PDE9A: variants seen among roughly 807,000 people sequenced by gnomAD.
The protein encoded by PDE9A is high affinity cGMP-specific 3',5'-cyclic phosphodiesterase 9A.
In PDE9A, 60 loss-of-function variants were observed where a neutral mutation model predicts 87.4. The ratio of observed to expected loss-of-function variants is 0.69; its 90% CI spans 0.56 to 0.85. The LOEUF (loss-of-function observed/expected upper bound fraction) is 0.85. Ranked by LOEUF, PDE9A falls within the 40% of genes least tolerant of loss-of-function variation. The pLI is 0.00. For missense variants in PDE9A, 665 were observed against 779.0 expected (o/e 0.85, Z 1.74); for synonymous variants, 272 against 279.4 (o/e 0.97, Z 0.27).
At chr21:42,721,014 AAAG>A (rs1262125178) in intron 4 of PDE9A, among the ~76,000 whole-genome samples, 2 of 152,150 alleles carry the variant, frequency 1.3e-5, no homozygotes, top group East Asian at 1.9e-4. Context: ...TCAAAAAAAA[AAAG>A]AAGGATAGAG....
At chr21:42,662,805 CCACACACACG>C (rs768907355) in intron 1 of PDE9A, among the ~76,000 whole-genome samples, 96 of 139,632 alleles carry the variant, frequency 6.9e-4, no homozygotes, top group African/African-American at 1.7e-3. Flanking sequence ...CACACACACA[CCACACACACG>C]CACACACACG....
intron 3 of PDE9A, among the ~76,000 whole-genome samples, chr21:42,693,960 GAT>G (rs2060009134): frequency 6.8e-6 from 1 of 147,322 alleles, no homozygotes; most frequent in Non-Finnish European, 1.5e-5. Flanking sequence ...ATTTTTAAGA[GAT>G]TTTTTTTTTT....
chr21:42,718,975 C>T (rs948488478), intron 4 of PDE9A, among the ~76,000 whole-genome samples: 2 of 151,720 alleles, frequency 1.3e-5, no homozygotes, highest in African/African-American at 2.4e-5. Context: ...TGGTTTTATG[C>T]TTTGTTGGGG....
chr21:42,754,013 C>T lies in PDE9A; in HGVS notation c.759C>T (p.Ile253=), dbSNP rs764415436. 9.9e-6 allele frequency: 16 copies of T among 1,613,008 alleles called. No individual in the cohort carries two copies. Among genetic ancestry groups the T allele is most frequent in the East Asian group, 8.9e-5 (4 of 44,878 alleles). Residue 253 remains isoleucine (I), a synonymous_variant, in exon 10 of 20, where the codon ATC becomes ATT. Coordinates refer to ENST00000291539, the MANE Select transcript of PDE9A (RefSeq NM_002606.3). ...AGTACCTGCTCTCTCCAGAGACCAT[C>T]GAGGCCCTGCGGAAGCCGACCTTTG... is the stretch of plus-strand genomic sequence containing the variant. ...YPKYLLSPET[I]EALRKPTFDV...
At chr21:42,657,038 C>T (rs2269126) in intron 1 of PDE9A, among the ~76,000 whole-genome samples, 7,328 of 152,322 alleles carry the variant, frequency 0.048, 376 homozygotes, top group East Asian at 0.29. Context: ...TGATAAACAG[C>T]AGCAGACGTT....
At chr21:42,685,320 C>T (rs952232337) in intron 1 of PDE9A, among the ~76,000 whole-genome samples, 1 of 152,262 alleles carries the variant, frequency 6.6e-6, no homozygotes, top group Non-Finnish European at 1.5e-5. Flanking sequence ...CGAGCGCGGC[C>T]ATCCCGCGCG....
intron 4 of PDE9A, among the ~76,000 whole-genome samples, chr21:42,712,078 A>T (rs1197859856): frequency 1.3e-5 from 2 of 150,394 alleles, no homozygotes; most frequent in Non-Finnish European, 3.0e-5. Flanking sequence ...CAAAAAAAAA[A>T]GCCATCTATG....
At position 42,726,624 on chromosome 21, in the gene PDE9A, A is replaced by ATTTTT. The variant is rs1197356167; in HGVS notation, c.263-5133_263-5129dup. Among the ~76,000 whole-genome samples the ATTTTT allele has an allele frequency of 1.3e-3, 26 of 19,778 alleles. 5 individuals are homozygous for ATTTTT. The highest frequency in any genetic ancestry group is 1.8e-3 in the Non-Finnish European group (24 of 13,354). 13.0% of individuals were successfully genotyped at this position (19,778 alleles called of 152,430 possible). On this transcript the variant is annotated intron_variant, in intron 4 of 19. Coordinates refer to ENST00000291539, the MANE Select transcript of PDE9A (RefSeq NM_002606.3). Reference sequence around the variant, plus strand: ...TATATATATATATATATATATATATATTTTTTTTTTTTTTTTTGTAGAGAT... The same window carrying ATTTTT: ...TATATATATATATATATATATATATATTTTTTTTTTTTTTTTTTTTTTGTAGAGAT...
intron 19 of PDE9A, among the ~76,000 whole-genome samples, chr21:42,773,223 C>T (rs2057180832): frequency 1.4e-5 from 2 of 141,184 alleles, no homozygotes; most frequent in Non-Finnish European, 3.0e-5. Context: ...CATTGCGCCA[C>T]TGCCCTCCAG....
intron 1 of PDE9A, among the ~76,000 whole-genome samples, chr21:42,662,570 CCA>C (rs1270343768): frequency 1.4e-5 from 2 of 146,924 alleles, no homozygotes; most frequent in Non-Finnish European, 3.0e-5. Context: ...CACAAGCACA[CCA>C]CACACACCAA....
intron 1 of PDE9A, among the ~76,000 whole-genome samples, chr21:42,658,123 G>A (rs904243929): frequency 2.6e-5 from 4 of 152,162 alleles, no homozygotes; most frequent in African/African-American, 4.8e-5. Flanking sequence ...CCAGGGCTCC[G>A]TGCCCTGGGC....
chr21:42,764,738 A>G (rs998323439), intron 14 of PDE9A, among the ~76,000 whole-genome samples: 1 of 152,246 alleles, frequency 6.6e-6, no homozygotes, highest in African/African-American at 2.4e-5. Context: ...ATATTTTGTC[A>G]TGGAAGATTT....
At chr21:42,733,061 G>T (rs1264697592) in intron 6 of PDE9A, among the ~76,000 whole-genome samples, 1 of 152,228 alleles carries the variant, frequency 6.6e-6, no homozygotes, top group Admixed American at 6.5e-5. Flanking sequence ...GCAGAGAGAG[G>T]GCCATGTGTC....
At chr21:42,732,956 CT>C (rs1394187098) in intron 6 of PDE9A, among the ~76,000 whole-genome samples, 1 of 152,142 alleles carries the variant, frequency 6.6e-6, no homozygotes, top group Non-Finnish European at 1.5e-5. Context: ...GTTTAACTGA[CT>C]GGGTTGGAGC....
rs2060157833 is a variant in PDE9A, at chr21:42,696,691, C to T, written c.219-2277C>T. The stretch of plus-strand genomic sequence containing the variant: ...CCCAGCCCAGGCCCTTCCTAGGCAA[C>T]CCTGGCACGGGTCCTCACTGGCCAC... On this transcript the variant is annotated intron_variant, in intron 3 of 19. Transcript: ENST00000291539. This position sits in a 1 kb window ranked among gnomAD's most constrained non-coding sequence, Gnocchi z 5.1. Among the ~76,000 whole-genome samples the T allele has an allele frequency of 6.6e-6, 1 of 152,228 alleles. No homozygotes were observed. The highest frequency in any genetic ancestry group is 1.5e-5 in the Non-Finnish European group (1 of 68,038).
intron 1 of PDE9A, among the ~76,000 whole-genome samples, chr21:42,684,447 C>T (rs562490177): frequency 1.8e-4 from 28 of 152,332 alleles, no homozygotes; most frequent in Admixed American, 3.9e-4. Context: ...CCTGGGAGGC[C>T]GCAGCGTGAA....
chr21:42,768,384 C>G (rs1205514054), intron 16 of PDE9A, 92 bp downstream of exon 16: 2 of 1,033,320 alleles, frequency 1.9e-6, no homozygotes, highest in Non-Finnish European at 2.9e-6. Flanking sequence ...CTGGGTGGTC[C>G]CGCATATTCC....
chr21:42,679,751 A>G (rs1569135615), intron 1 of PDE9A, among the ~76,000 whole-genome samples: 1 of 152,116 alleles, frequency 6.6e-6, no homozygotes. Flanking sequence ...GGACCCGGAA[A>G]GGAAACGACT....
rs994133221 is a variant in PDE9A at position 42,702,522 on chromosome 21, G to T, written c.262+3511G>T. The stretch of plus-strand genomic sequence containing the variant: ...TTTTCTGATTCTCGTGAATCTAGTA[G>T]ATCTTGATGGAATGCTGATCACAGG... On this transcript the variant is annotated intron_variant, in intron 4 of 19. Transcript: ENST00000291539. This position sits in a 1 kb window ranked among gnomAD's most constrained non-coding sequence, Gnocchi z 4.9. Among the ~76,000 whole-genome samples, 2 of 152,136 alleles carry T rather than the reference G, an allele frequency of 1.3e-5. No homozygotes were observed. Among genetic ancestry groups the T allele is most frequent in the Non-Finnish European group, 2.9e-5 (2 of 68,028 alleles).
Sources: gnomAD v4.1 joint callset for allele counts (sites outside exome capture counted in the v4.1 genomes callset) on GRCh38, gnomAD v4.1.1 for gene constraint, Gnocchi (gnomAD v3.1) non-coding constraint, MANE v1.5 for transcripts, NCBI Gene and HGNC (gene_info 2026-07-23, HGNC 2026-07-21) for gene names.